Variants in CWC27 observed in about 807,000 individuals in gnomAD.
The protein encoded by CWC27 is CWC27 spliceosome associated cyclophilin.
Under a neutral mutation model 63.6 loss-of-function variants are expected in CWC27, and 47 were observed. The ratio of observed to expected loss-of-function variants is 0.74; its 90% confidence interval spans 0.58 to 0.94. CWC27 has a LOEUF of 0.94. CWC27 is among the 40% of genes least tolerant of loss of function. The pLI, the probability that CWC27 is intolerant of heterozygous loss-of-function variation, is 0.00. For missense variants in CWC27, 495 were observed against 554.3 expected (o/e 0.89, Z 1.07); for synonymous variants, 175 against 179.8 (o/e 0.97, Z 0.22).
At position 64,818,362 on chromosome 5, in the gene CWC27, TC is replaced by T. The variant is rs577346658; in HGVS notation, c.938+13978del. ...TAGCTTTGAAAGTTATATAATGACT[TC>T]CTGCCAATTTCTTCTTCCTTTTAGA... On this transcript the variant is annotated intron_variant, in intron 10 of 13. Coordinates refer to ENST00000381070, the MANE Select transcript of CWC27 (RefSeq NM_005869.4). Among the ~76,000 whole-genome samples the T allele has an allele frequency of 5.1e-4, 77 of 152,342 alleles. No individual in the cohort carries two copies. The East Asian group carries it at 0.013, about 25-fold the overall frequency.
At chr5:65,018,052 G>T (rs2910769) in intron 13 of CWC27, 107 bp from the exon 14 acceptor site, 3 of 975,572 alleles carry the variant, frequency 3.1e-6, no homozygotes, top group Non-Finnish European at 4.4e-6. Context: ...AACCCATCTT[G>T]GTGTTCTGTA....
intron 13 of CWC27, among the ~76,000 whole-genome samples, chr5:64,980,515 A>G (rs1749315194): frequency 6.6e-6 from 1 of 152,200 alleles, no homozygotes; most frequent in East Asian, 1.9e-4. Flanking sequence ...ATAGGCTTCG[A>G]TCTTATGCAC....
chr5:65,003,894 G>A (rs1298313438), intron 13 of CWC27, among the ~76,000 whole-genome samples: 1 of 151,010 alleles, frequency 6.6e-6, no homozygotes, highest in Non-Finnish European at 1.5e-5. Context: ...GCCCAGGCTG[G>A]AATGCAGTGG....
intron 10 of CWC27, among the ~76,000 whole-genome samples, chr5:64,861,963 G>A (rs925614360): frequency 1.3e-5 from 2 of 152,266 alleles, no homozygotes; most frequent in East Asian, 1.9e-4. Flanking sequence ...TATTTATCCT[G>A]TGCATCTTGG....
At chr5:64,886,749 T>C (rs997985552) in intron 11 of CWC27, among the ~76,000 whole-genome samples, 1 of 152,120 alleles carries the variant, frequency 6.6e-6, no homozygotes, top group Non-Finnish European at 1.5e-5. Flanking sequence ...TGAAAGTCAT[T>C]GAAGTATATA....
intron 11 of CWC27, among the ~76,000 whole-genome samples, chr5:64,961,818 A>G (rs888407797): frequency 6.6e-5 from 10 of 152,170 alleles, no homozygotes. Context: ...AAATAGGTTT[A>G]TTGATACTTT....
intron 11 of CWC27, among the ~76,000 whole-genome samples, chr5:64,947,943 A>G (rs926824142): frequency 6.6e-6 from 1 of 152,062 alleles, no homozygotes; most frequent in African/African-American, 2.4e-5. Context: ...ATTTAATCAA[A>G]AGCTCCAATC....
intron 13 of CWC27, among the ~76,000 whole-genome samples, chr5:64,992,659 G>T (rs1309552): frequency 0.45 from 67,454 of 150,198 alleles, 15,252 homozygotes; most frequent in African/African-American, 0.47. Context: ...AGCCTCCCAC[G>T]TAGCTGGGAC....
At position 64,934,637 on chromosome 5, in the gene CWC27, C is replaced by A. The variant is rs202131827; in HGVS notation, c.1043-37066C>A. Among the ~76,000 whole-genome samples the A allele has an allele frequency of 2.6e-5, 4 of 152,270 alleles. No homozygotes were observed. In the East Asian group the frequency reaches 7.7e-4, roughly 29 times the overall value. ...ATACCCAGTAATGGGATTGCTGGGT[C>A]AAATGGTATTTCTGGTTCTAGATCC... On this transcript the variant is annotated intron_variant, in intron 11 of 13. Transcript: ENST00000381070.
intron 10 of CWC27, among the ~76,000 whole-genome samples, chr5:64,851,689 C>T (rs1009105484): frequency 6.6e-6 from 1 of 152,116 alleles, no homozygotes; most frequent in Non-Finnish European, 1.5e-5. Flanking sequence ...TATCAATTTA[C>T]AATTTTAAAA....
At position 64,883,516 on chromosome 5, in the gene CWC27, A is replaced by C. The variant is rs149784776; in HGVS notation, c.939-1927A>C. Among the ~76,000 whole-genome samples the C allele has an allele frequency of 1.5e-3, 223 of 152,320 alleles. 1 individual carries two copies. Among genetic ancestry groups the C allele is most frequent in the African/African-American group, 4.9e-3 (205 of 41,582 alleles). ...TATGGGAAGAAAAAGAGTAACCAGG[A>C]GAAGAATTGGAGATTCAAAATGCTA... On this transcript the variant is annotated intron_variant, in intron 10 of 13. Coordinates refer to ENST00000381070, the MANE Select transcript of CWC27 (RefSeq NM_005869.4).
intron 1 of CWC27, among the ~76,000 whole-genome samples, chr5:64,772,616 C>T (rs1396200159): frequency 5.7e-5 from 5 of 88,406 alleles, no homozygotes; most frequent in Non-Finnish European, 8.0e-5. Context: ...GACAGTGAGA[C>T]TCTGTCTCAA....
intron 11 of CWC27, among the ~76,000 whole-genome samples, chr5:64,902,719 A>G (rs2112365990): frequency 6.6e-6 from 1 of 152,260 alleles, no homozygotes; most frequent in African/African-American, 2.4e-5. Flanking sequence ...GTCCATGTGA[A>G]TTTTAGGATC....
chr5:64,929,086 A>T (rs1434739920), intron 11 of CWC27, among the ~76,000 whole-genome samples: 1 of 152,110 alleles, frequency 6.6e-6, no homozygotes, highest in Non-Finnish European at 1.5e-5. Flanking sequence ...CTCATTATAG[A>T]AGAAAGGAGA....
At chr5:64,866,385 G>C (rs1746531325) in intron 10 of CWC27, among the ~76,000 whole-genome samples, 1 of 152,026 alleles carries the variant, frequency 6.6e-6, no homozygotes, top group Non-Finnish European at 1.5e-5. Flanking sequence ...TACCAGGAAA[G>C]TACTAGGCTA....
intron 11 of CWC27, among the ~76,000 whole-genome samples, chr5:64,947,139 T>C (rs546352768): frequency 8.5e-4 from 130 of 152,278 alleles, no homozygotes; most frequent in Non-Finnish European, 1.0e-3. Context: ...ATCGTCTTAC[T>C]GCTGCTTCCT....
At chr5:64,882,493 T>G (rs1277516011) in intron 10 of CWC27, among the ~76,000 whole-genome samples, 2 of 152,216 alleles carry the variant, frequency 1.3e-5, no homozygotes, top group African/African-American at 4.8e-5. Flanking sequence ...AAGAGAGTGT[T>G]GAATATCACA....
chr5:64,776,673 G>T (rs542394381), intron 2 of CWC27, among the ~76,000 whole-genome samples: 7 of 152,144 alleles, frequency 4.6e-5, no homozygotes, highest in Non-Finnish European at 7.4e-5. Context: ...GTTAAGTCAA[G>T]GTTTCAAAAA....
chr5:64,880,889 G>C (rs1443784060), intron 10 of CWC27, among the ~76,000 whole-genome samples: 12 of 133,568 alleles, frequency 9.0e-5, no homozygotes, highest in African/African-American at 3.1e-4. Flanking sequence ...TTTAAGCAGA[G>C]ACTAGGCTTT....
Sources: allele counts gnomAD v4.1 joint callset (sites outside exome capture counted in the v4.1 genomes callset), GRCh38; gene constraint gnomAD v4.1.1; transcripts MANE v1.5; gene names NCBI Gene and HGNC (gene_info 2026-07-23, HGNC 2026-07-21).